Variants in DIAPH1 observed in about 807,000 individuals in gnomAD.
DIAPH1 encodes protein diaphanous homolog 1.
A neutral mutation model predicts 140.7 loss-of-function variants in DIAPH1; 46 were observed. The observed-to-expected ratio is 0.33, with a 90% CI of 0.26 to 0.42. The LOEUF (loss-of-function observed/expected upper bound fraction) is 0.42. Ranked by LOEUF, DIAPH1 falls within the 10% of genes least tolerant of loss-of-function variation. DIAPH1 has a pLI of 1.00. For synonymous variants in DIAPH1, 565 were observed against 551.6 expected (o/e 1.02, Z -0.34); for missense variants, 1,310 against 1,558.7 (o/e 0.84, Z 2.69).
intron 1 of DIAPH1, among the ~76,000 whole-genome samples, chr5:141,616,562 CAA>C (rs1217733516): frequency 6.6e-6 from 1 of 152,158 alleles, no homozygotes; most frequent in East Asian, 1.9e-4. Flanking sequence ...TACACAGACA[CAA>C]AGAGAAGTGG....
intron 27 of DIAPH1, among the ~76,000 whole-genome samples, chr5:141,519,700 A>G (rs1292895318): frequency 1.3e-5 from 2 of 152,190 alleles, no homozygotes; most frequent in African/African-American, 2.4e-5. Context: ...TTGAAAGCCT[A>G]TACACCAGGG....
Position 141,576,289 on chromosome 5 carries a change from T to G in DIAPH1, c.1402A>C (p.Met468Leu), listed in dbSNP as rs778106662. The change falls in exon 14 of 28, where the codon ATG becomes CTG. Residue 468 changes from methionine (M) to leucine (L), a missense_variant. By Grantham distance (15) the Met-to-Leu change is conservative. Coordinates refer to ENST00000389054, the MANE Select transcript of DIAPH1 (RefSeq NM_005219.5). Reference sequence around the variant, plus strand: ...TTCTCCACCTTTGTCTTATCAATCATTTGATCTGAAAAGAAGAAGAGTCAG... The same window carrying G: ...TTCTCCACCTTTGTCTTATCAATCAGTTGATCTGAAAAGAAGAAGAGTCAG... ...QIEIEGLIDQ[M>L]IDKTKVEKSE... 6.2e-7 allele frequency: 1 copy of G among 1,613,482 alleles called. No homozygotes were observed. Among genetic ancestry groups the G allele is most frequent in the South Asian group, 1.1e-5 (1 of 91,074 alleles).
chr5:141,604,308 A>C (rs1015478552), intron 1 of DIAPH1, among the ~76,000 whole-genome samples: 2 of 152,168 alleles, frequency 1.3e-5, no homozygotes, highest in African/African-American at 4.8e-5. Flanking sequence ...AATGTTAACC[A>C]ATTTTTCCAA....
intron 18 of DIAPH1, among the ~76,000 whole-genome samples, chr5:141,554,898 T>C (rs765102462): frequency 6.6e-6 from 1 of 152,046 alleles, no homozygotes; most frequent in Non-Finnish European, 1.5e-5. Context: ...TCTTTGACAA[T>C]GTGTATATAT....
chr5:141,534,750 T>C (rs2099888755), intron 18 of DIAPH1, among the ~76,000 whole-genome samples: 1 of 152,196 alleles, frequency 6.6e-6, no homozygotes, highest in African/African-American at 2.4e-5. Flanking sequence ...TTGCAGGCCA[T>C]ATGGTCTCAA....
chr5:141,527,957 G>C (rs2099887642), intron 23 of DIAPH1, among the ~76,000 whole-genome samples: 1 of 152,182 alleles, frequency 6.6e-6, no homozygotes, highest in Non-Finnish European at 1.5e-5. Flanking sequence ...GAACAGAAGA[G>C]AGACTTCATT....
At chr5:141,550,991 A>G (rs2099891598) in intron 18 of DIAPH1, among the ~76,000 whole-genome samples, 1 of 152,250 alleles carries the variant, frequency 6.6e-6, no homozygotes, top group South Asian at 2.1e-4. Flanking sequence ...GACTAAAGAT[A>G]AAAGACAAAT....
At chr5:141,613,292 G>A (rs1428291845) in intron 1 of DIAPH1, among the ~76,000 whole-genome samples, 3 of 152,106 alleles carry the variant, frequency 2.0e-5, no homozygotes, top group Non-Finnish European at 2.9e-5. Context: ...CTCCCTAACT[G>A]TTACAGAGCC....
intron 1 of DIAPH1, 79 bp downstream of exon 1, chr5:141,618,719 A>C: frequency 9.5e-7 from 1 of 1,047,250 alleles, no homozygotes; most frequent in Non-Finnish European, 1.4e-6. Flanking sequence ...AAAGCCGGGC[A>C]GGCGCCCCAG....
intron 1 of DIAPH1, among the ~76,000 whole-genome samples, chr5:141,612,172 G>A (rs1016763840): frequency 1.3e-5 from 2 of 152,186 alleles, no homozygotes; most frequent in Non-Finnish European, 1.5e-5. Context: ...ACAGTTGACA[G>A]GAAATTGGAA....
chr5:141,527,567 G>A lies in DIAPH1; in HGVS notation c.3273+6C>T, dbSNP rs375895320. 1 of 1,613,274 alleles carries A rather than the reference G, an allele frequency of 6.2e-7. No individual in the cohort carries two copies. The highest frequency in any genetic ancestry group is 8.5e-7 in the Non-Finnish European group (1 of 1,179,772). Reference sequence around the variant, plus strand: ...GGAACAACTCCCTCCTTTCAAGAGAGGATATGGTCATTTTTTCAACAAACT... The same window carrying A: ...GGAACAACTCCCTCCTTTCAAGAGAAGATATGGTCATTTTTTCAACAAACT... On this transcript the variant is annotated splice_donor_region_variant and intron_variant, in intron 24 of 27. Coordinates refer to ENST00000389054, the MANE Select transcript of DIAPH1 (RefSeq NM_005219.5).
chr5:141,537,034 G>A (rs1349841279), intron 18 of DIAPH1, among the ~76,000 whole-genome samples: 1 of 152,102 alleles, frequency 6.6e-6, no homozygotes, highest in Non-Finnish European at 1.5e-5. Context: ...TGGGCATGGT[G>A]GCACATGCCT....
intron 27 of DIAPH1, among the ~76,000 whole-genome samples, chr5:141,518,314 A>G (rs1189425539): frequency 0.011 from 12 of 1,078 alleles, no homozygotes; most frequent in Middle Eastern, 0.25. Context: ...CTCAATTGGA[A>G]AAAAAAAAAA....
At chr5:141,618,502 G>A (rs980144133) in intron 1 of DIAPH1, 8 of 313,640 alleles carry the variant, frequency 2.6e-5, no homozygotes, top group African/African-American at 1.6e-4. Flanking sequence ...GAGGCTGAGA[G>A]GGGAGAGACG....
intron 18 of DIAPH1, among the ~76,000 whole-genome samples, chr5:141,562,849 G>A (rs901732668): frequency 1.3e-5 from 2 of 152,146 alleles, no homozygotes; most frequent in African/African-American, 4.8e-5. Context: ...ACAGTTTTGG[G>A]TTCTAGTATG....
At chr5:141,522,470 G>A (rs1392782134) in intron 27 of DIAPH1, among the ~76,000 whole-genome samples, 5 of 151,542 alleles carry the variant, frequency 3.3e-5, no homozygotes, top group Non-Finnish European at 1.5e-5. Context: ...CTGATGTCTG[G>A]CTACCTGTGG....
chr5:141,548,412 G>T (rs776152612), intron 18 of DIAPH1, among the ~76,000 whole-genome samples: 14 of 151,954 alleles, frequency 9.2e-5, no homozygotes, highest in Non-Finnish European at 1.6e-4. Context: ...GCAGAAGAAA[G>T]AAAAAATTAT....
chr5:141,546,569 T>G, intron 18 of DIAPH1, among the ~76,000 whole-genome samples: 1 of 151,506 alleles, frequency 6.6e-6, no homozygotes, highest in East Asian at 1.9e-4. Context: ...AGCAGGAGAA[T>G]TGATTGAACC....
intron 8 of DIAPH1, 57 bp from the exon 9 acceptor site, chr5:141,579,253 A>ATAATGAGT: frequency 7.8e-7 from 1 of 1,282,508 alleles, no homozygotes; most frequent in Non-Finnish European, 1.1e-6. Context: ...ACGGACACGT[A>ATAATGAGT]TAATGAGTAA....
Sources: gnomAD v4.1 joint callset for allele counts (sites outside exome capture counted in the v4.1 genomes callset) on GRCh38, gnomAD v4.1.1 for gene constraint, MANE v1.5 for transcripts, NCBI Gene and HGNC (gene_info 2026-07-23, HGNC 2026-07-21) for gene names.